Variants in FAF2 observed in about 807,000 individuals in gnomAD.
FAF2 encodes the protein Fas associated factor family member 2.
FAF2 carries 9 observed loss-of-function variants against 62.3 expected under a neutral mutation model. That is an observed-to-expected ratio of 0.14 (90% CI 0.09 to 0.25). FAF2 has a LOEUF of 0.25. Ranked by LOEUF, FAF2 falls within the 10% of genes least tolerant of loss-of-function variation. The pLI is 1.00. For synonymous variants in FAF2, 202 were observed against 198.0 expected (o/e 1.02, Z -0.17); for missense variants, 368 against 556.2 (o/e 0.66, Z 3.40).
intron 2 of FAF2, among the ~76,000 whole-genome samples, chr5:176,480,484 C>T (rs1317542596): frequency 1.3e-5 from 2 of 152,050 alleles, no homozygotes; most frequent in African/African-American, 4.8e-5. Context: ...ACAAGCATAC[C>T]TCACTACAGC....
intron 10 of FAF2, among the ~76,000 whole-genome samples, chr5:176,501,968 G>T (rs112135979): frequency 1.3e-5 from 2 of 152,136 alleles, no homozygotes; most frequent in African/African-American, 4.8e-5. Context: ...TGTTGGTCAG[G>T]CCGGTCTCGA....
intron 1 of FAF2, among the ~76,000 whole-genome samples, chr5:176,463,458 T>C (rs1042258640): frequency 6.6e-6 from 1 of 152,136 alleles, no homozygotes; most frequent in Non-Finnish European, 1.5e-5. Context: ...CTTCAGAACC[T>C]TTTAAGCTAG....
Position 176,492,322 on chromosome 5 carries a change from C to G in FAF2, c.473C>G (p.Thr158Arg). The G allele has an allele frequency of 6.2e-7, 1 of 1,613,534 alleles. No homozygotes were observed. The highest frequency in any genetic ancestry group is 8.5e-7 in the Non-Finnish European group (1 of 1,179,782). Residue 158 changes from threonine (T) to arginine (R), a missense_variant, in exon 5 of 11, where the codon ACG becomes AGG. By Grantham distance (71) the Thr-to-Arg change is moderately conservative. Transcript: ENST00000261942. The part of the protein sequence containing the change: ...GRAHPVFYQG[T>R]YSQALNDAKR... The stretch of plus-strand genomic sequence containing the variant: ...GCACACCCTGTCTTCTACCAGGGAA[C>G]GTACAGCCAGGTCAGTGCCATAAAC...
intron 10 of FAF2, among the ~76,000 whole-genome samples, chr5:176,501,192 A>G (rs1460356141): frequency 6.6e-6 from 1 of 152,238 alleles, no homozygotes; most frequent in Non-Finnish European, 1.5e-5. Flanking sequence ...AATTCTTAAC[A>G]TTGTGCCTGG....
Position 176,482,220 on chromosome 5 carries a change from GT to G in FAF2, c.132+2979del, listed in dbSNP as rs34956788. On this transcript the variant is annotated intron_variant, in intron 2 of 10. Coordinates refer to ENST00000261942, the MANE Select transcript of FAF2 (RefSeq NM_014613.3). ...ATCTTTTTCATGTTGAGCTGTGAAA[GT>G]TTTTTTTTTTTTTTGAGATGAAGTT... is the stretch of plus-strand genomic sequence containing the variant. Among the ~76,000 whole-genome samples, 477 of 142,028 alleles carry G rather than the reference GT, an allele frequency of 3.4e-3. 1 individual carries two copies. The highest frequency in any genetic ancestry group is 0.011 in the African/African-American group (424 of 38,524). The allele number at this position is 142,028 out of a possible 152,430, so 93.2% of individuals were successfully genotyped here.
chr5:176,486,620 T>C (rs558821814), intron 3 of FAF2, 131 bp downstream of exon 3: 1 of 872,640 alleles, frequency 1.1e-6, no homozygotes, highest in Admixed American at 3.1e-5. Flanking sequence ...ACTTGGCCCG[T>C]TGGGTGTATT....
Position 176,500,057 on chromosome 5 carries a change from C to T in FAF2, c.1066C>T (p.Pro356Ser), listed in dbSNP as rs1755568844. ...GGAATGCCTGCCCCCTGAACCTTCC[C>T]CTGATGACCCTGAAAGTGTCAAGAT... Reference protein sequence around the residue: ...KLECLPPEPSPDDPESVKIIF... With the variant: ...KLECLPPEPSSDDPESVKIIF... The change falls in exon 10 of 11, where the codon CCT becomes TCT. Residue 356 changes from proline (P) to serine (S), a missense_variant. Around this residue, in one of 2 missense-constraint regions of FAF2, gnomAD observed 37 missense variants for 114.3 expected, o/e 0.32. Transcript: ENST00000261942. The T allele has an allele frequency of 6.2e-7, 1 of 1,614,124 alleles. No individual in the cohort carries two copies.
At position 176,502,499 on chromosome 5, in the gene FAF2, G is replaced by A. The variant is rs140369363; in HGVS notation, c.1155+2353G>A. 7.6e-3 allele frequency among the ~76,000 whole-genome samples: 1,154 copies of A among 152,146 alleles called. 6 individuals are homozygous for A. The highest frequency in any genetic ancestry group is 0.012 in the Non-Finnish European group (813 of 68,000). On this transcript the variant is annotated intron_variant, in intron 10 of 10. Transcript: ENST00000261942. ...GGAGGCTGAGGCAGGAGAAACGCTTGAGCCCAGGAGGCAGAGGTTGCGGTG... is the reference window on the plus strand; with the variant it reads ...GGAGGCTGAGGCAGGAGAAACGCTTAAGCCCAGGAGGCAGAGGTTGCGGTG...
rs143554358 is a variant in FAF2, at chr5:176,496,481, A to G, written c.662-5A>G. 89 of 1,562,888 alleles carry G rather than the reference A, an allele frequency of 5.7e-5. No individual in the cohort carries two copies. The highest frequency in any genetic ancestry group is 2.5e-4 in the Admixed American group (13 of 51,496). ...TGCCCTTGATCTGTTGGGTCTTTTT[A>G]TCAGTCTCACAGGCTTTACGAGAGA... On this transcript the variant is annotated splice_region_variant and splice_polypyrimidine_tract_variant and intron_variant, in intron 7 of 10. Coordinates refer to ENST00000261942, the MANE Select transcript of FAF2 (RefSeq NM_014613.3).
chr5:176,477,033 CTCCTGACTTCGTGA>C (rs1758709089), intron 1 of FAF2, among the ~76,000 whole-genome samples: 1 of 151,368 alleles, frequency 6.6e-6, no homozygotes, highest in African/African-American at 2.4e-5. Context: ...TGGTCTCGAT[CTCCTGACTTCGTGA>C]TCCGCCCGCC....
intron 4 of FAF2, among the ~76,000 whole-genome samples, chr5:176,491,722 A>G (rs570724932): frequency 1.3e-5 from 2 of 152,342 alleles, no homozygotes; most frequent in South Asian, 4.1e-4. Context: ...GTGGCTGTTG[A>G]GCACTTGAAA....
At chr5:176,449,417 A>C (rs1162493205) in intron 1 of FAF2, among the ~76,000 whole-genome samples, 1 of 152,212 alleles carries the variant, frequency 6.6e-6, no homozygotes, top group Non-Finnish European at 1.5e-5. Flanking sequence ...TCTACTAAAA[A>C]TACAAATATT....
chr5:176,461,116 G>C (rs890722588), intron 1 of FAF2, among the ~76,000 whole-genome samples: 1 of 151,166 alleles, frequency 6.6e-6, no homozygotes, highest in Admixed American at 6.6e-5. Context: ...AGGTTCAAGC[G>C]ATGTCTCTTG....
At position 176,494,897 on chromosome 5, in the gene FAF2, G is replaced by A. The variant is rs1471629704; in HGVS notation, c.661+622G>A. 1.3e-5 allele frequency among the ~76,000 whole-genome samples: 2 copies of A among 152,136 alleles called. No homozygotes were observed. Among genetic ancestry groups the A allele is most frequent in the African/African-American group, 4.8e-5 (2 of 41,424 alleles). ...TCGGGTCTGCCAGATTCTAAAGCCC[G>A]TTCTTCACATTCAGCATTGCCAAAG... is the stretch of plus-strand genomic sequence containing the variant. On this transcript the variant is annotated intron_variant, in intron 7 of 10. Coordinates refer to ENST00000261942, the MANE Select transcript of FAF2 (RefSeq NM_014613.3). The surrounding 1 kb of genome is among the most constrained non-coding windows in gnomAD (Gnocchi z 4.0).
chr5:176,499,621 T>G (rs983921812), intron 9 of FAF2, among the ~76,000 whole-genome samples: 1 of 152,108 alleles, frequency 6.6e-6, no homozygotes. Flanking sequence ...TATTTCTTTT[T>G]TTTTTTTAAG....
At chr5:176,478,271 G>A (rs1758736068) in intron 1 of FAF2, among the ~76,000 whole-genome samples, 1 of 152,206 alleles carries the variant, frequency 6.6e-6, no homozygotes, top group South Asian at 2.1e-4. Flanking sequence ...GAGCCCAGGA[G>A]TTGGAGACCA....
At chr5:176,469,895 G>A (rs1215603877) in intron 1 of FAF2, among the ~76,000 whole-genome samples, 1 of 152,174 alleles carries the variant, frequency 6.6e-6, no homozygotes, top group Non-Finnish European at 1.5e-5. Context: ...ATATCTGAAA[G>A]AGAGGAGTCT....
Position 176,492,219 on chromosome 5 carries a change from G to A in FAF2, c.370G>A (p.Asp124Asn), listed in dbSNP as rs1158649246. The A allele has an allele frequency of 4.3e-6, 7 of 1,614,110 alleles. No individual in the cohort carries two copies. The East Asian group carries it at 1.6e-4, about 36-fold the overall frequency. Reference protein sequence around the residue: ...FRFALRFIRPDPRSRVTDPVG... With the variant: ...FRFALRFIRPNPRSRVTDPVG... ...GTTTGCTCTTCGTTTTATACGGCCT[G>A]ACCCTCGCAGCCGGGTCACTGACCC... Residue 124 changes from aspartate (D) to asparagine (N), a missense_variant, in exon 5 of 11, where the codon GAC becomes AAC. Asp to Asn is a conservative substitution (Grantham distance 23, BLOSUM62 1). Transcript: ENST00000261942.
At chr5:176,449,642 G>A (rs1317414177) in intron 1 of FAF2, among the ~76,000 whole-genome samples, 3 of 152,036 alleles carry the variant, frequency 2.0e-5, no homozygotes, top group African/African-American at 7.2e-5. Flanking sequence ...TGTTAGAAGG[G>A]CCTTGTAGAC....
Sources: allele counts gnomAD v4.1 joint callset (sites outside exome capture counted in the v4.1 genomes callset), GRCh38; gene constraint gnomAD v4.1.1; regional missense constraint gnomAD v4.1.1; non-coding constraint Gnocchi (gnomAD v3.1); transcripts MANE v1.5; gene names NCBI Gene and HGNC (gene_info 2026-07-23, HGNC 2026-07-21).